The following CD4 variants were observed in gnomAD, a reference collection of about 807,000 sequenced individuals.
CD4 encodes T-cell surface glycoprotein CD4.
Under a neutral mutation model 50.5 loss-of-function variants are expected in CD4, and 25 were observed. The observed-to-expected ratio is 0.49, with a 90% CI of 0.36 to 0.69. The LOEUF (loss-of-function observed/expected upper bound fraction) is 0.69. CD4 is among the 30% of genes least tolerant of loss of function. CD4 has a pLI of 0.00. For missense variants in CD4, 456 were observed against 548.5 expected, an observed-to-expected ratio of 0.83 and a Z score of 1.68; for synonymous variants, 207 against 221.9, an observed-to-expected ratio of 0.93 and a Z score of 0.60.
At chr12:6,790,941 T>A (rs28989527) in intron 1 of CD4, among the ~76,000 whole-genome samples, 1 of 152,244 alleles carries the variant, frequency 6.6e-6, no homozygotes, top group Non-Finnish European at 1.5e-5. Context: ...AAGTCACTGC[T>A]ACTTCACATT....
At chr12:6,813,835 G>A (rs1943009126) in intron 3 of CD4, among the ~76,000 whole-genome samples, 1 of 152,146 alleles carries the variant, frequency 6.6e-6, no homozygotes, top group South Asian at 2.1e-4. Flanking sequence ...AAACAGTGTT[G>A]ACAGTATCTA....
At chr12:6,800,931 G>A (rs556870331) in intron 3 of CD4, among the ~76,000 whole-genome samples, 1 of 151,748 alleles carries the variant, frequency 6.6e-6, no homozygotes, top group Admixed American at 6.6e-5. Context: ...TTGGAGACAA[G>A]GTCTAGTTCT....
At position 6,818,587 on chromosome 12, in the gene CD4, G is replaced by C; in HGVS notation, c.1278+45G>C. ...GTCCCCACAAGGCCCTCAAACCCCT[G>C]AGTCCTCTACCAGGAGATCCTGTAT... On this transcript the variant is annotated intron_variant, in intron 8 of 9. Transcript: ENST00000011653. This position sits in a 1 kb window ranked among gnomAD's most constrained non-coding sequence, Gnocchi z 5.0. The C allele has an allele frequency of 6.2e-7, 1 of 1,610,116 alleles. No homozygotes were observed. Among genetic ancestry groups the C allele is most frequent in the Non-Finnish European group, 8.5e-7 (1 of 1,179,260 alleles).
In CD4 at chr12:6,819,586, C is replaced by G; in HGVS notation, c.*257C>G. 1.9e-6 allele frequency: 1 copy of G among 533,890 alleles called. No individual in the cohort carries two copies. Among genetic ancestry groups the G allele is most frequent in the Non-Finnish European group, 3.4e-6 (1 of 295,548 alleles). The allele number at this position is 533,890 out of a possible 1,614,324, so 33.1% of individuals were successfully genotyped here. A position where few individuals can be genotyped will look rare whatever the true frequency, so the allele number is the denominator to read the frequency against. ...AAGCCTAGCCCTTCTCTCATTATTT[C>G]TCTCTGACCCTCTCCCCACTGCTCA... On this transcript the variant is annotated 3_prime_UTR_variant, in exon 10 of 10. Transcript: ENST00000011653.
rs1327940387 is a variant in CD4, at chr12:6,794,784, TTG to T, written c.-68+5124_-68+5125del. 4.4e-3 allele frequency among the ~76,000 whole-genome samples: 573 copies of T among 131,368 alleles called. 84 individuals carry two copies. Among genetic ancestry groups the T allele is most frequent in the Non-Finnish European group, 6.2e-3 (392 of 62,886 alleles). The allele number at this position is 131,368 out of a possible 152,430, so 86.2% of individuals were successfully genotyped here. On this transcript the variant is annotated intron_variant, in intron 1 of 9. Transcript: ENST00000011653. The stretch of plus-strand genomic sequence containing the variant: ...ATCTGTCTGTATGTCTGTTTTTTTT[TTG>T]TTTTTTTTTTTTTTTTGAGATAGAG...
At chr12:6,812,771 T>TGTGTGTGTGTGTG (rs1555117197) in intron 3 of CD4, among the ~76,000 whole-genome samples, 20 of 57,610 alleles carry the variant, frequency 3.5e-4, no homozygotes, top group African/African-American at 9.1e-4. Flanking sequence ...AAGGTTATTT[T>TGTGTGTGTGTGTG]TGTGTGTGTG....
chr12:6,817,901 T>C (rs1943133168), intron 7 of CD4, among the ~76,000 whole-genome samples: 1 of 148,870 alleles, frequency 6.7e-6, no homozygotes, highest in African/African-American at 2.5e-5. Flanking sequence ...ACGCACATAC[T>C]CTCACCCACA....
intron 5 of CD4, 179 bp downstream of exon 5, chr12:6,815,171 G>A (rs1943053498): frequency 6.9e-6 from 4 of 581,414 alleles, no homozygotes; most frequent in East Asian, 3.0e-5. Flanking sequence ...TCCTCAGGGG[G>A]CTGATTGGCA....
chr12:6,814,463 G>A, intron 4 of CD4, 163 bp downstream of exon 4: 1 of 730,208 alleles, frequency 1.4e-6, no homozygotes, highest in Non-Finnish European at 2.2e-6. Flanking sequence ...TTCTTGATCA[G>A]GTGAGGGATG....
chr12:6,793,535 G>A (rs1326230261), intron 1 of CD4, among the ~76,000 whole-genome samples: 1 of 152,104 alleles, frequency 6.6e-6, no homozygotes, highest in Non-Finnish European at 1.5e-5. Context: ...ATGCTAACCT[G>A]TAAACACTTC....
chr12:6,804,663 A>G (rs920840665), intron 3 of CD4, among the ~76,000 whole-genome samples: 1 of 152,162 alleles, frequency 6.6e-6, no homozygotes, highest in Admixed American at 6.5e-5. Context: ...GCTTAAGCCC[A>G]GGAGTTCAAG....
chr12:6,817,954 C>A (rs748534887), intron 7 of CD4, among the ~76,000 whole-genome samples: 1 of 152,066 alleles, frequency 6.6e-6, no homozygotes, highest in African/African-American at 2.4e-5. Flanking sequence ...CACTCACATC[C>A]GCACACGCAT....
In CD4 at chr12:6,793,965, TATCTA is replaced by T. The variant is rs1942274359; in HGVS notation, c.-68+4304_-68+4308del. Among the ~76,000 whole-genome samples the T allele has an allele frequency of 5.0e-4, 20 of 39,914 alleles. No homozygotes were observed. The Admixed American group carries it at 7.0e-3, about 14-fold the overall frequency. The allele number at this position is 39,914 out of a possible 152,430, so 26.2% of individuals were successfully genotyped here. On this transcript the variant is annotated intron_variant, in intron 1 of 9. Transcript: ENST00000011653. ...CCACACACGACACCCGGCTTCTATC[TATCTA>T]TATCTATCTATCTATCTATCTATCT...
chr12:6,812,321 C>T (rs1942961932), intron 3 of CD4, among the ~76,000 whole-genome samples: 1 of 152,150 alleles, frequency 6.6e-6, no homozygotes, highest in Admixed American at 6.5e-5. Flanking sequence ...ATCCCTTGAA[C>T]TCAGGAGGCA....
At chr12:6,815,047 C>T in intron 5 of CD4, 55 bp downstream of exon 5, 8 of 1,219,670 alleles carry the variant, frequency 6.6e-6, no homozygotes, top group Non-Finnish European at 9.4e-6. Context: ...GCTGACAGCC[C>T]CTCCCTCTGC....
intron 7 of CD4, among the ~76,000 whole-genome samples, chr12:6,817,644 C>T (rs1555118169): frequency 6.6e-6 from 1 of 152,044 alleles, no homozygotes; most frequent in African/African-American, 2.4e-5. Context: ...TTCTCCAAAT[C>T]CAGACGCACT....
chr12:6,802,983 T>C (rs929813472), intron 3 of CD4, among the ~76,000 whole-genome samples: 2 of 152,186 alleles, frequency 1.3e-5, no homozygotes, highest in Non-Finnish European at 2.9e-5. Context: ...TCAGCCCGGC[T>C]TGGCCTCCCA....
intron 2 of CD4, 59 bp downstream of exon 2, chr12:6,800,246 AGG>A (rs1555115005): frequency 6.2e-7 from 1 of 1,612,134 alleles, no homozygotes. Context: ...GCAAAGGTGG[AGG>A]ATGGGGTAGA....
intron 3 of CD4, among the ~76,000 whole-genome samples, chr12:6,807,083 T>C (rs111990672): frequency 0.037 from 5,675 of 151,796 alleles, 306 homozygotes; most frequent in African/African-American, 0.12. Flanking sequence ...AGGAGAATGG[T>C]GTGAACCCGG....
Sources: allele counts gnomAD v4.1 joint callset (sites outside exome capture counted in the v4.1 genomes callset), GRCh38; gene constraint gnomAD v4.1.1; non-coding constraint Gnocchi (gnomAD v3.1); transcripts MANE v1.5; gene names NCBI Gene and HGNC (gene_info 2026-07-23, HGNC 2026-07-21).